Variants in HGS observed in about 807,000 individuals in gnomAD.
The protein encoded by HGS is hepatocyte growth factor-regulated tyrosine kinase substrate.
In HGS, 63 loss-of-function variants were observed where a neutral mutation model predicts 109.7. That is an observed-to-expected ratio of 0.57 (90% CI 0.47 to 0.71). The LOEUF (loss-of-function observed/expected upper bound fraction) is 0.71, where lower values mean the gene tolerates loss of function less well. Ranked by LOEUF, HGS falls within the 30% of genes least tolerant of loss-of-function variation. The pLI is 0.00. For synonymous variants in HGS, 546 were observed against 437.3 expected, an observed-to-expected ratio of 1.25 and a Z score of -3.10; for missense variants, 995 against 1,068.3, an observed-to-expected ratio of 0.93 and a Z score of 0.96.
intron 8 of HGS, 53 bp from the exon 9 acceptor site, chr17:81,693,450 G>T: frequency 7.3e-7 from 1 of 1,370,806 alleles, no homozygotes; most frequent in Non-Finnish European, 1.0e-6. Flanking sequence ...AGCTTTGGCG[G>T]GGGCAGGGCG....
intron 4 of HGS, among the ~76,000 whole-genome samples, chr17:81,688,016 C>T (rs11867543): frequency 0.13 from 19,956 of 152,264 alleles, 1,439 homozygotes; most frequent in African/African-American, 0.16. Flanking sequence ...CGGTTCGCTC[C>T]TCTGGGGTGA....
rs185426274 is a variant in HGS, at chr17:81,693,996, C to T, written c.936+31C>T. The T allele has an allele frequency of 9.5e-6, 15 of 1,575,130 alleles. No homozygotes were observed. In the Admixed American group the frequency reaches 2.1e-4, roughly 22 times the overall value. ...CGGCCCTTGGGCTGGAGCTCCCTCT[C>T]CTGGAAGGCAGTAGGGTTGATGGGG... On this transcript the variant is annotated intron_variant, in intron 11 of 21. Transcript: ENST00000329138.
chr17:81,696,786 T>C, intron 17 of HGS, 38 bp from the exon 18 acceptor site: 1 of 1,602,354 alleles, frequency 6.2e-7, no homozygotes, highest in South Asian at 1.1e-5. Context: ...GCTTGTGGGC[T>C]GAGGACCAAC....
intron 6 of HGS, 113 bp from the exon 7 acceptor site, chr17:81,690,561 C>A: frequency 9.3e-7 from 1 of 1,073,800 alleles, no homozygotes; most frequent in Non-Finnish European, 1.3e-6. Context: ...ATTGCTCTCG[C>A]TCGTGCTGGG....
At chr17:81,696,214 G>A in intron 15 of HGS, 143 bp from the exon 16 acceptor site, 1 of 1,144,924 alleles carries the variant, frequency 8.7e-7, no homozygotes, top group Non-Finnish European at 1.2e-6. Flanking sequence ...AGGACCCTCT[G>A]CCTGCCTCCC....
chr17:81,690,700 A>T lies in HGS; in HGVS notation c.495A>T (p.Glu165Asp), dbSNP rs1338297631. The T allele has an allele frequency of 6.2e-7, 1 of 1,613,016 alleles. No individual in the cohort carries two copies. Among genetic ancestry groups the T allele is most frequent in the South Asian group, 1.1e-5 (1 of 91,004 alleles). The change falls in exon 7 of 22, where the codon GAA (glutamate) becomes GAT (aspartate). Residue 165 changes from glutamate (E) to aspartate (D), a missense_variant. Glu to Asp is a conservative substitution (Grantham distance 45, BLOSUM62 2). Around this residue, in one of 6 missense-constraint regions of HGS, gnomAD observed 182 missense variants for 261.3 expected, o/e 0.70. Coordinates refer to ENST00000329138, the MANE Select transcript of HGS (RefSeq NM_004712.5). The part of the protein sequence containing the change: ...ERAPDWVDAE[E>D]CHRCRVQFGV... ...CCCCAGACTGGGTGGACGCTGAGGA[A>T]TGCCACCGCTGCAGGGTGCAGTTCG...
intron 18 of HGS, 118 bp from the exon 19 acceptor site, chr17:81,700,349 C>T: frequency 9.4e-7 from 1 of 1,060,302 alleles, no homozygotes; most frequent in South Asian, 1.8e-5. Context: ...AGCCTGGTGA[C>T]AGAGCAGGAC....
chr17:81,693,479 C>T (rs1453158416), intron 8 of HGS, 24 bp from the exon 9 acceptor site: 1 of 1,597,936 alleles, frequency 6.3e-7, no homozygotes, highest in South Asian at 1.1e-5. Flanking sequence ...GCATGGTGAC[C>T]TGCAGCATTC....
intron 5 of HGS, 137 bp downstream of exon 5, chr17:81,688,964 C>G: frequency 8.4e-7 from 1 of 1,189,534 alleles, no homozygotes; most frequent in East Asian, 2.5e-5. Flanking sequence ...TGGCCTGGAG[C>G]CAGGGAAGAC....
In HGS at chr17:81,695,013, G is replaced by C. The variant is rs755461230; in HGVS notation, c.1065G>C (p.Thr355=). Residue 355 remains threonine (T), a synonymous_variant, in exon 13 of 22, where the codon ACG becomes ACC. Transcript: ENST00000329138. ...CGCCATCTGCGCCCGTGCCCCTGAC[G>C]GAGCCGGCTGCACAGCCTGGGGAAG... ...SPTPSAPVPL[T]EPAAQPGEGH... 1.2e-6 allele frequency: 2 copies of C among 1,614,052 alleles called. No individual in the cohort carries two copies. Among genetic ancestry groups the C allele is most frequent in the Non-Finnish European group, 1.7e-6 (2 of 1,180,018 alleles).
At chr17:81,701,203 C>A (rs1447672973) in intron 21 of HGS, 72 bp downstream of exon 21, 2 of 1,352,652 alleles carry the variant, frequency 1.5e-6, no homozygotes, top group Non-Finnish European at 2.1e-6. Context: ...GCAATGGGAC[C>A]CCTGGCCCCA....
Position 81,701,779 on chromosome 17 carries a change from C to T in HGS, c.*161C>T. ...ACCCCAAGCCCACCTCCCTTGTCCT[C>T]AGCCTACTGCAGTCCCTGAGTTAGT... On this transcript the variant is annotated 3_prime_UTR_variant, in exon 22 of 22. Transcript: ENST00000329138. 9.9e-7 allele frequency: 1 copy of T among 1,007,188 alleles called. No homozygotes were observed. The allele number at this position is 1,007,188 out of a possible 1,614,324, so 62.4% of individuals were successfully genotyped here.
At position 81,696,350 on chromosome 17, in the gene HGS, C is replaced by T; in HGVS notation, c.1394-7C>T. 3 of 1,566,660 alleles carry T rather than the reference C, an allele frequency of 1.9e-6. No homozygotes were observed. The highest frequency in any genetic ancestry group is 2.6e-6 in the Non-Finnish European group (3 of 1,160,198). On this transcript the variant is annotated splice_region_variant and splice_polypyrimidine_tract_variant and intron_variant, in intron 15 of 21. Coordinates refer to ENST00000329138, the MANE Select transcript of HGS (RefSeq NM_004712.5). The stretch of plus-strand genomic sequence containing the variant: ...GTGGTCAGGGTTGCTCTGTCATCTG[C>T]CCACAGTGTACTATGAGGGGCTGCA...
At chr17:81,685,486 A>C (rs573483412) in intron 1 of HGS, 119 bp from the exon 2 acceptor site, 5 of 621,242 alleles carry the variant, frequency 8.0e-6, no homozygotes, top group Non-Finnish European at 1.4e-5. Flanking sequence ...ATGCTTTTTC[A>C]TTTGGTCCAA....
intron 4 of HGS, among the ~76,000 whole-genome samples, chr17:81,688,278 C>A (rs2037011581): frequency 6.6e-6 from 1 of 151,448 alleles, no homozygotes; most frequent in Non-Finnish European, 1.5e-5. Context: ...GGAGCGGCTG[C>A]CCCCCGCGTC....
intron 1 of HGS, chr17:81,685,098 C>A (rs553116706): frequency 3.2e-5 from 31 of 983,634 alleles, no homozygotes; most frequent in Non-Finnish European, 3.7e-5. Flanking sequence ...CTTGGAGCCC[C>A]GTTCTGCCCT....
At chr17:81,696,109 G>C in intron 15 of HGS, 110 bp downstream of exon 15, 3 of 1,034,812 alleles carry the variant, frequency 2.9e-6, no homozygotes. Context: ...GTCCTTCATT[G>C]GGGCCGTGGC....
At position 81,695,202 on chromosome 17, in the gene HGS, C is replaced by T; in HGVS notation, c.1158C>T (p.Pro386=). The change falls in exon 14 of 22, where the codon CCC becomes CCT. Residue 386 remains proline, a synonymous_variant. Coordinates refer to ENST00000329138, the MANE Select transcript of HGS (RefSeq NM_004712.5). ...AGACAGACTCTCAGCCCATTCCTCC[C>T]TCTGGTGGCCCCTTTAGTGAGGTAA... ...LPETDSQPIP[P]SGGPFSEPQF... 1.2e-6 allele frequency: 2 copies of T among 1,614,226 alleles called. No homozygotes were observed. Among genetic ancestry groups the T allele is most frequent in the Non-Finnish European group, 1.7e-6 (2 of 1,180,012 alleles).
Position 81,700,798 on chromosome 17 carries a change from A to C in HGS, c.2120A>C (p.Gln707Pro). 6.2e-7 allele frequency: 1 copy of C among 1,612,366 alleles called. No individual in the cohort carries two copies. The highest frequency in any genetic ancestry group is 8.5e-7 in the Non-Finnish European group (1 of 1,179,702). The change falls in exon 20 of 22, where the codon CAG becomes CCG. Residue 707 changes from glutamine (Q) to proline (P), a missense_variant. Coordinates refer to ENST00000329138, the MANE Select transcript of HGS (RefSeq NM_004712.5). ...MGSQSVSMGYQPYNMQNLMTT... is the reference protein window; with the variant it reads ...MGSQSVSMGYPPYNMQNLMTT... ...AGCCAGTCAGTCTCCATGGGCTACC[A>C]GCCTTACAACATGCAGGTACAGTGA...
Sources: gnomAD v4.1 joint callset for allele counts (sites outside exome capture counted in the v4.1 genomes callset) on GRCh38, gnomAD v4.1.1 for gene constraint, gnomAD v4.1.1 regional missense constraint, MANE v1.5 for transcripts, NCBI Gene and HGNC (gene_info 2026-07-23, HGNC 2026-07-21) for gene names.